XIRP1: variants seen among roughly 807,000 people sequenced by gnomAD.
The protein encoded by XIRP1 is xin actin binding repeat containing 1.
For synonymous variants in XIRP1, 984 were observed against 947.0 expected, an observed-to-expected ratio of 1.04 and a Z score of -0.72; for missense variants, 2,378 against 2,345.4, an observed-to-expected ratio of 1.01 and a Z score of -0.29.
chr3:39,188,740 G>C lies in XIRP1; in HGVS notation c.706C>G (p.Gln236Glu). 1 of 1,613,736 alleles carries C rather than the reference G, an allele frequency of 6.2e-7. No homozygotes were observed. The highest frequency in any genetic ancestry group is 8.5e-7 in the Non-Finnish European group (1 of 1,180,050). The change falls in exon 2 of 2, where the codon CAA (glutamine) becomes GAA (glutamate). Residue 236 changes from glutamine to glutamate, a missense_variant. By Grantham distance (29) the Gln-to-Glu change is conservative (BLOSUM62 2). Transcript: ENST00000340369. ...GDVKKTVKLFQTEPLCAIQDA... is the reference protein window; with the variant it reads ...GDVKKTVKLFETEPLCAIQDA... ...TGGATGGCACACAGGGGCTCCGTTT[G>C]GAAGAGCTTCACTGTCTTTTTCACA...
intron 1 of XIRP1, among the ~76,000 whole-genome samples, chr3:39,191,825 G>A (rs767527039): frequency 4.6e-5 from 7 of 152,170 alleles, no homozygotes; most frequent in Non-Finnish European, 1.0e-4. Context: ...TCCCTCCCGT[G>A]AGCCCCCCAA....
chr3:39,184,697 G>A lies in XIRP1; in HGVS notation c.4749C>T (p.Ala1583=). Residue 1583 remains alanine, a synonymous_variant, in exon 2 of 2, where the codon GCC becomes GCT. Coordinates refer to ENST00000340369, the MANE Select transcript of XIRP1 (RefSeq NM_194293.4). ...TGCTGACTGTGACACTGATCTTGTG[G>A]GCACTGTGGTCTTTTGGAGGTCCCT... is the stretch of plus-strand genomic sequence containing the variant. The part of the protein sequence containing the change: ...HFQGPPKDHS[A]HKISVTVSSS... The A allele has an allele frequency of 6.2e-7, 1 of 1,614,224 alleles. No homozygotes were observed. Among genetic ancestry groups the A allele is most frequent in the Non-Finnish European group, 8.5e-7 (1 of 1,180,044 alleles).
rs766413638 is a variant in XIRP1, at chr3:39,184,871, G to C, written c.4575C>G (p.Ala1525=). The part of the protein sequence containing the change: ...HQKPEASVEQ[A]FGELTRVSTE... ...TGCTGACCCGTGTCAGCTCCCCAAA[G>C]GCCTGCTCCACTGAGGCCTCGGGCT... The change falls in exon 2 of 2, where the codon GCC becomes GCG. Residue 1525 remains alanine (A), a synonymous_variant. Coordinates refer to ENST00000340369, the MANE Select transcript of XIRP1 (RefSeq NM_194293.4). 30 of 1,605,904 alleles carry C rather than the reference G, an allele frequency of 1.9e-5. No homozygotes were observed. The highest frequency in any genetic ancestry group is 2.4e-5 in the Non-Finnish European group (28 of 1,173,856).
chr3:39,190,228 A>C (rs2040068443), intron 1 of XIRP1, among the ~76,000 whole-genome samples: 1 of 152,204 alleles, frequency 6.6e-6, no homozygotes, highest in Non-Finnish European at 1.5e-5. Flanking sequence ...TGTCTGAGCT[A>C]GGGGGATCTC....
Position 39,187,687 on chromosome 3 carries a change from G to C in XIRP1, c.1759C>G (p.Pro587Ala). 1 of 1,614,032 alleles carries C rather than the reference G, an allele frequency of 6.2e-7. No homozygotes were observed. The highest frequency in any genetic ancestry group is 8.5e-7 in the Non-Finnish European group (1 of 1,180,032). ...CGGATGGTCTGCACATCGCCCTTTGGGGGTGCCTCAGGCTGGGGGTCTCCC... is the reference window on the plus strand; with the variant it reads ...CGGATGGTCTGCACATCGCCCTTTGCGGGTGCCTCAGGCTGGGGGTCTCCC... ...SQGDPQPEAP[P>A]KGDVQTIRWL... Residue 587 changes from proline (P) to alanine (A), a missense_variant, in exon 2 of 2, where the codon CCA becomes GCA. Coordinates refer to ENST00000340369, the MANE Select transcript of XIRP1 (RefSeq NM_194293.4).
chr3:39,191,084 A>G (rs2040081248), intron 1 of XIRP1, among the ~76,000 whole-genome samples: 2 of 152,222 alleles, frequency 1.3e-5, no homozygotes, highest in Non-Finnish European at 2.9e-5. Context: ...CTTCCTCCCT[A>G]TGGCTACCTC....
chr3:39,187,251 A>G lies in XIRP1; in HGVS notation c.2195T>C (p.Phe732Ser). The G allele has an allele frequency of 5.1e-6, 8 of 1,582,942 alleles. No homozygotes were observed. The highest frequency in any genetic ancestry group is 6.9e-6 in the Non-Finnish European group (8 of 1,161,718). Residue 732 changes from phenylalanine to serine, a missense_variant, in exon 2 of 2, where the codon TTT becomes TCT. Transcript: ENST00000340369. Reference protein sequence around the residue: ...AGSVHKFTWLFENCPMGSLAA... With the variant: ...AGSVHKFTWLSENCPMGSLAA... ...CAGGGAGCCCATGGGACAATTCTCA[A>G]AAAGCCAAGTGAACTTGTGGACAGA...
At position 39,186,745 on chromosome 3, in the gene XIRP1, C is replaced by A; in HGVS notation, c.2701G>T (p.Glu901Ter). The A allele has an allele frequency of 6.2e-7, 1 of 1,614,042 alleles. No individual in the cohort carries two copies. Among genetic ancestry groups the A allele is most frequent in the Non-Finnish European group, 8.5e-7 (1 of 1,180,032 alleles). The change falls in exon 2 of 2, where the codon GAG becomes TAG. Residue 901 changes from glutamate to a stop codon, truncating the protein, a stop_gained. Transcript: ENST00000340369. LOFTEE classifies it low-confidence loss of function (END_TRUNC). ...GCAGTCAGTGCGACCAGGCCCTGCT[C>A]TGTCTCCTGCATCACCAGCCCAGTC... ...ARTGLVMQET[E>*]QGLVALTAYS...
In XIRP1 at chr3:39,187,701, T is replaced by TG. The variant is rs1431783065; in HGVS notation, c.1744dup (p.Gln582ProfsTer3). On this transcript the variant is annotated frameshift_variant, in exon 2 of 2. Coordinates refer to ENST00000340369, the MANE Select transcript of XIRP1 (RefSeq NM_194293.4). LOFTEE classifies it low-confidence loss of function (END_TRUNC). Reference sequence around the variant, plus strand: ...ATCGCCCTTTGGGGGTGCCTCAGGCTGGGGGTCTCCCTGACTCTTCCCTTC... The same window carrying TG: ...ATCGCCCTTTGGGGGTGCCTCAGGCTGGGGGGTCTCCCTGACTCTTCCCTTC... 1.2e-6 allele frequency: 2 copies of TG among 1,613,946 alleles called. No individual in the cohort carries two copies. Among genetic ancestry groups the TG allele is most frequent in the African/African-American group, 2.7e-5 (2 of 74,918 alleles).
rs750401716 is a variant in XIRP1, at chr3:39,185,761, C to T, written c.3685G>A (p.Ala1229Thr). The T allele has an allele frequency of 2.5e-6, 4 of 1,608,040 alleles. No individual in the cohort carries two copies. The highest frequency in any genetic ancestry group is 3.4e-6 in the Non-Finnish European group (4 of 1,176,840). Residue 1229 changes from alanine (A) to threonine (T), a missense_variant, in exon 2 of 2, where the codon GCC (alanine) becomes ACC (threonine). Ala to Thr is a moderately conservative substitution (Grantham distance 58, BLOSUM62 0). Transcript: ENST00000340369. ...LQAAETTLKT[A>T]PLGRHILASG... is the part of the protein sequence containing the mutation. ...GCCAGAATGTGGCGGCCTAGAGGGG[C>T]AGTCTTCAGGGTGGTCTCTGCAGCT...
intron 1 of XIRP1, among the ~76,000 whole-genome samples, chr3:39,192,072 CCTT>C (rs1475652707): frequency 6.6e-6 from 1 of 152,250 alleles, no homozygotes; most frequent in Non-Finnish European, 1.5e-5. Context: ...TCCTGTTCCT[CCTT>C]CCTCCAGATC....
At position 39,188,338 on chromosome 3, in the gene XIRP1, T is replaced by C. The variant is rs1295148057; in HGVS notation, c.1108A>G (p.Lys370Glu). The change falls in exon 2 of 2, where the codon AAG (lysine) becomes GAG (glutamate). Residue 370 changes from lysine (K) to glutamate (E), a missense_variant. Coordinates refer to ENST00000340369, the MANE Select transcript of XIRP1 (RefSeq NM_194293.4). Reference sequence around the variant, plus strand: ...ACATCACCAGGGACCACTTCCTCCTTGGGTGGGGCCTCTGCTCCAGCCTCT... The same window carrying C: ...ACATCACCAGGGACCACTTCCTCCTCGGGTGGGGCCTCTGCTCCAGCCTCT... ...DEEAGAEAPP[K>E]EEVVPGDVRS... is the part of the protein sequence containing the mutation. 1 of 1,614,018 alleles carries C rather than the reference T, an allele frequency of 6.2e-7. No individual in the cohort carries two copies. The highest frequency in any genetic ancestry group is 8.5e-7 in the Non-Finnish European group (1 of 1,179,984).
chr3:39,185,328 G>A lies in XIRP1; in HGVS notation c.4118C>T (p.Pro1373Leu). Residue 1373 changes from proline (P) to leucine (L), a missense_variant, in exon 2 of 2, where the codon CCA (proline) becomes CTA (leucine). Transcript: ENST00000340369. Reference sequence around the variant, plus strand: ...GTCTACAGTAGTGGGAACCTTGGCTGGCTGAGGGATGGCTGTATCTCTCTC... The same window carrying A: ...GTCTACAGTAGTGGGAACCTTGGCTAGCTGAGGGATGGCTGTATCTCTCTC... ...RGERDTAIPQ[P>L]AKVPTTVDQG... 1 of 1,614,200 alleles carries A rather than the reference G, an allele frequency of 6.2e-7. No homozygotes were observed. Among genetic ancestry groups the A allele is most frequent in the South Asian group, 1.1e-5 (1 of 91,090 alleles).
chr3:39,187,830 CG>C lies in XIRP1; in HGVS notation c.1615del (p.Arg539GlyfsTer23), dbSNP rs1278754544. The C allele has an allele frequency of 6.2e-7, 1 of 1,614,002 alleles. No homozygotes were observed. Among genetic ancestry groups the C allele is most frequent in the African/African-American group, 1.3e-5 (1 of 74,918 alleles). Reference protein sequence around the residue: ...STIDVVRGITRQEVVAGDVGT... With the variant: ...STIDVVRGITXQEVVAGDVGT... ...AACGTCCCCAGCCACCACTTCCTGC[CG>C]GGTGATGCCCCGCACCACGTCGATG... is the stretch of plus-strand genomic sequence containing the variant. On this transcript the variant is annotated frameshift_variant, in exon 2 of 2. Transcript: ENST00000340369. LOFTEE classifies it low-confidence loss of function (END_TRUNC).
rs748923395 is a variant in XIRP1, at chr3:39,186,131, A to G, written c.3315T>C (p.Pro1105=). 3 of 1,613,278 alleles carry G rather than the reference A, an allele frequency of 1.9e-6. No individual in the cohort carries two copies. The highest frequency in any genetic ancestry group is 2.5e-6 in the Non-Finnish European group (3 of 1,179,530). ...KAGATQSNIR[P]GGGSDPRIPA... ...GGATCCGGGGATCACTTCCACCCCC[A>G]GGCCTTATGTTGCTTTGGGTAGCCC... is the stretch of plus-strand genomic sequence containing the variant. Residue 1105 remains proline (P), a synonymous_variant, in exon 2 of 2, where the codon CCT becomes CCC. Coordinates refer to ENST00000340369, the MANE Select transcript of XIRP1 (RefSeq NM_194293.4).
chr3:39,185,863 C>T lies in XIRP1; in HGVS notation c.3583G>A (p.Glu1195Lys). 1.2e-6 allele frequency: 2 copies of T among 1,613,460 alleles called. No homozygotes were observed. Among genetic ancestry groups the T allele is most frequent in the Non-Finnish European group, 1.7e-6 (2 of 1,179,764 alleles). The change falls in exon 2 of 2, where the codon GAG becomes AAG. Residue 1195 changes from glutamate (E) to lysine (K), a missense_variant. Glu to Lys is a moderately conservative substitution (Grantham distance 56, BLOSUM62 1). Transcript: ENST00000340369. ...GCCATCTGTGTGCAGCCCCCAGGCTCCTCCCGCCCTGGCCCAGTACTCTGA... is the reference window on the plus strand; with the variant it reads ...GCCATCTGTGTGCAGCCCCCAGGCTTCTCCCGCCCTGGCCCAGTACTCTGA... ...PGQSTGPGREEPGGCTQMAWG... is the reference protein window; with the variant it reads ...PGQSTGPGREKPGGCTQMAWG...
At chr3:39,192,221 A>G (rs2040096307) in intron 1 of XIRP1, among the ~76,000 whole-genome samples, 1 of 152,184 alleles carries the variant, frequency 6.6e-6, no homozygotes, top group Admixed American at 6.5e-5. Flanking sequence ...TGCTAGCTTC[A>G]GGCCTGTGGC....
At position 39,189,119 on chromosome 3, in the gene XIRP1, G is replaced by C. The variant is rs80147433; in HGVS notation, c.327C>G (p.His109Gln). The change falls in exon 2 of 2, where the codon CAC becomes CAG. Residue 109 changes from histidine to glutamine, a missense_variant. Coordinates refer to ENST00000340369, the MANE Select transcript of XIRP1 (RefSeq NM_194293.4). ...CGGGCTCCTTGGCAGCTGGCCTCTCGTGTTCTCCAATGGCATCCAGTCTCC... is the reference window on the plus strand; with the variant it reads ...CGGGCTCCTTGGCAGCTGGCCTCTCCTGTTCTCCAATGGCATCCAGTCTCC... ...ENWRLDAIGE[H>Q]ERPAAKEPVL... The C allele has an allele frequency of 2.6e-5, 42 of 1,614,010 alleles. No individual in the cohort carries two copies. Among genetic ancestry groups the C allele is most frequent in the Non-Finnish European group, 3.3e-5 (39 of 1,180,048 alleles).
rs1377197866 is a variant in XIRP1, at chr3:39,185,181, C to T, written c.4265G>A (p.Ser1422Asn). The T allele has an allele frequency of 2.5e-6, 4 of 1,611,982 alleles. No homozygotes were observed. The highest frequency in any genetic ancestry group is 3.4e-6 in the Non-Finnish European group (4 of 1,178,748). ...KNQATGSNAQ[S>N]SEPPKLNALN... ...GGCATTGAGCTTGGGGGGCTCAGAG[C>T]TCTGGGCATTGCTGCCTGTAGCCTG... is the stretch of plus-strand genomic sequence containing the variant. Residue 1422 changes from serine to asparagine, a missense_variant, in exon 2 of 2, where the codon AGC (serine) becomes AAC (asparagine). Ser to Asn is a conservative substitution (Grantham distance 46). Transcript: ENST00000340369.
Sources: allele counts gnomAD v4.1 joint callset (sites outside exome capture counted in the v4.1 genomes callset), GRCh38; gene constraint gnomAD v4.1.1; transcripts MANE v1.5; gene names NCBI Gene and HGNC (gene_info 2026-07-23, HGNC 2026-07-21).